BCO1: variants seen among roughly 807,000 people sequenced by gnomAD.
The protein encoded by BCO1 is beta,beta-carotene 15,15'-dioxygenase.
Under a neutral mutation model 56.3 loss-of-function variants are expected in BCO1, and 54 were observed. The observed-to-expected ratio is 0.96, with a 90% confidence interval of 0.77 to 1.20. BCO1 has a LOEUF of 1.20. Among genes scored for constraint, BCO1 ranks in the 50% most tolerant of loss-of-function variants. The pLI is 0.00. For synonymous variants in BCO1, 318 were observed against 266.1 expected (o/e 1.20, Z -1.90); for missense variants, 801 against 690.9 (o/e 1.16, Z -1.79).
chr16:81,272,113 CTTTTTTTT>C (rs35402352), intron 7 of BCO1, among the ~76,000 whole-genome samples: 1 of 111,318 alleles, frequency 9.0e-6, no homozygotes, highest in Non-Finnish European at 1.8e-5. Context: ...TCTTTTCTTT[CTTTTTTTT>C]TTTTTTTTTT....
At chr16:81,239,894 G>C (rs562419080) in intron 1 of BCO1, among the ~76,000 whole-genome samples, 13 of 152,248 alleles carry the variant, frequency 8.5e-5, no homozygotes, top group Middle Eastern at 3.4e-3. Flanking sequence ...GGTCCCCAGA[G>C]TGGTGCTCGC....
At chr16:81,257,476 G>T (rs1229485719) in intron 2 of BCO1, among the ~76,000 whole-genome samples, 1 of 151,914 alleles carries the variant, frequency 6.6e-6, no homozygotes, top group East Asian at 2.0e-4. Flanking sequence ...TGTTGGCCAG[G>T]CTGGTCTCAA....
At position 81,280,963 on chromosome 16, in the gene BCO1, G is replaced by T. The variant is rs1024064559; in HGVS notation, c.1207+1G>T. On this transcript the variant is annotated splice_donor_variant, in intron 8 of 10. Coordinates refer to ENST00000258168, the MANE Select transcript of BCO1 (RefSeq NM_017429.3). LOFTEE classifies it high-confidence loss of function. ...TGCCAGCCGGAATTTCTTTATGAAGGTAAAATGCATCCTCTTGTCCTGAGT... is the reference window on the plus strand; with the variant it reads ...TGCCAGCCGGAATTTCTTTATGAAGTTAAAATGCATCCTCTTGTCCTGAGT... The T allele has an allele frequency of 1.2e-6, 2 of 1,606,704 alleles. No homozygotes were observed. Among genetic ancestry groups the T allele is most frequent in the South Asian group, 2.2e-5 (2 of 90,890 alleles).
intron 10 of BCO1, among the ~76,000 whole-genome samples, chr16:81,289,261 G>C (rs1322436266): frequency 6.6e-6 from 1 of 152,206 alleles, no homozygotes. Context: ...TTCAGAGTGA[G>C]TATTGAGAGT....
At chr16:81,247,199 A>C in intron 2 of BCO1, among the ~76,000 whole-genome samples, 1 of 152,152 alleles carries the variant, frequency 6.6e-6, no homozygotes, top group East Asian at 1.9e-4. Context: ...ATTTTTCTTT[A>C]ATTCCTGTGT....
chr16:81,264,414 T>C (rs1216699639), intron 4 of BCO1, among the ~76,000 whole-genome samples: 1 of 152,174 alleles, frequency 6.6e-6, no homozygotes, highest in Non-Finnish European at 1.5e-5. Context: ...CAAATCCCCA[T>C]GTGAGGTTGT....
intron 7 of BCO1, among the ~76,000 whole-genome samples, chr16:81,277,021 C>T (rs951329990): frequency 2.2e-5 from 3 of 139,260 alleles, no homozygotes; most frequent in Non-Finnish European, 4.5e-5. Flanking sequence ...GAGCTGAGAT[C>T]GTGCCACCGT....
intron 8 of BCO1, 76 bp from the exon 9 acceptor site, chr16:81,285,464 C>T (rs928250862): frequency 2.4e-5 from 26 of 1,082,378 alleles, no homozygotes; most frequent in Non-Finnish European, 3.6e-5. Context: ...GGAAAGGCTA[C>T]CCAATCTGAC....
chr16:81,246,717 G>C (rs1236918222), intron 2 of BCO1, among the ~76,000 whole-genome samples: 1 of 151,982 alleles, frequency 6.6e-6, no homozygotes, highest in Non-Finnish European at 1.5e-5. Context: ...TGGTCATAGT[G>C]GCACACACCT....
intron 8 of BCO1, among the ~76,000 whole-genome samples, chr16:81,283,320 T>C (rs144615028): frequency 1.1e-3 from 160 of 152,032 alleles, no homozygotes; most frequent in African/African-American, 3.8e-3. Flanking sequence ...ATTACAGGCA[T>C]TACTCATGCC....
At chr16:81,260,308 GAA>G (rs375264968) in intron 3 of BCO1, among the ~76,000 whole-genome samples, 31 of 131,198 alleles carry the variant, frequency 2.4e-4, no homozygotes, top group Middle Eastern at 3.8e-3. Flanking sequence ...AGACTAAGTG[GAA>G]AAAAAAAAAA....
In BCO1 at chr16:81,264,520, A is replaced by G. The variant is rs1273086967; in HGVS notation, c.472-120A>G. The G allele has an allele frequency of 2.6e-5, 32 of 1,215,764 alleles. No individual in the cohort carries two copies. The East Asian group carries it at 7.3e-4, about 28-fold the overall frequency. 75.3% of individuals were successfully genotyped at this position (1,215,764 alleles called of 1,614,324 possible). Reference sequence around the variant, plus strand: ...AAATATCCCTCATCTCTCTGAACCTAGAATCAGTCACGTTTTCATAGGACT... The same window carrying G: ...AAATATCCCTCATCTCTCTGAACCTGGAATCAGTCACGTTTTCATAGGACT... On this transcript the variant is annotated intron_variant, in intron 4 of 10. Transcript: ENST00000258168.
chr16:81,255,748 G>A (rs930034139), intron 2 of BCO1, among the ~76,000 whole-genome samples: 15 of 151,176 alleles, frequency 9.9e-5, no homozygotes, highest in South Asian at 4.2e-4. Context: ...CTTGTGATCC[G>A]CCTGCCTCAG....
chr16:81,246,766 G>C (rs1452385099), intron 2 of BCO1, among the ~76,000 whole-genome samples: 2 of 149,796 alleles, frequency 1.3e-5, no homozygotes, highest in African/African-American at 4.9e-5. Context: ...CACGAGAATT[G>C]CTTGAACCCA....
intron 2 of BCO1, among the ~76,000 whole-genome samples, chr16:81,256,778 T>A (rs1299358190): frequency 2.0e-5 from 3 of 151,918 alleles, no homozygotes; most frequent in Non-Finnish European, 4.4e-5. Context: ...GTCCCAGCTA[T>A]TTGGGAAGCT....
chr16:81,241,749 C>T (rs1456659770), intron 1 of BCO1, among the ~76,000 whole-genome samples: 1 of 152,194 alleles, frequency 6.6e-6, no homozygotes, highest in Non-Finnish European at 1.5e-5. Flanking sequence ...CCTGACTCTC[C>T]GTCCAGGCCT....
intron 7 of BCO1, among the ~76,000 whole-genome samples, chr16:81,272,363 C>T (rs1026299583): frequency 3.3e-5 from 5 of 152,064 alleles, no homozygotes; most frequent in Non-Finnish European, 7.4e-5. Context: ...CATGATCCGC[C>T]CGCCTTGGCC....
At chr16:81,250,706 G>A (rs1054538642) in intron 2 of BCO1, among the ~76,000 whole-genome samples, 7 of 151,550 alleles carry the variant, frequency 4.6e-5, no homozygotes, top group Admixed American at 2.6e-4. Context: ...TCGGCCTCTG[G>A]AGTAGCTAGG....
chr16:81,253,758 G>T (rs370862839), intron 2 of BCO1, among the ~76,000 whole-genome samples: 1 of 152,150 alleles, frequency 6.6e-6, no homozygotes, highest in Non-Finnish European at 1.5e-5. Flanking sequence ...GAGTCCAGGA[G>T]TTCAAGACCA....
Sources: allele counts gnomAD v4.1 joint callset (sites outside exome capture counted in the v4.1 genomes callset), GRCh38; gene constraint gnomAD v4.1.1; transcripts MANE v1.5; gene names NCBI Gene and HGNC (gene_info 2026-07-23, HGNC 2026-07-21).